FBXL17: variants seen among roughly 807,000 people sequenced by gnomAD.
The protein encoded by FBXL17 is F-box/LRR-repeat protein 17.
Under a neutral mutation model 66.2 loss-of-function variants are expected in FBXL17, and 22 were observed. The ratio of observed to expected loss-of-function variants is 0.33; its 90% confidence interval spans 0.24 to 0.47. The LOEUF (loss-of-function observed/expected upper bound fraction) is 0.47, where lower values mean the gene tolerates loss of function less well. Ranked by LOEUF, FBXL17 falls within the 20% of genes least tolerant of loss-of-function variation. The probability of loss-of-function intolerance (pLI) is 1.00; values close to 1 mark genes in which losing one functional copy is unlikely to be tolerated. For synonymous variants in FBXL17, 474 were observed against 400.5 expected (o/e 1.18, Z -2.19); for missense variants, 878 against 948.2 (o/e 0.93, Z 0.97).
chr5:108,180,339 C>T lies in FBXL17; in HGVS notation c.1745+5778G>A, dbSNP rs140908196. On this transcript the variant is annotated intron_variant, in intron 6 of 8. Transcript: ENST00000542267. ...CAGCCTGGCCAACATGGTGAAACCC[C>T]GTCTCTACTAAAAACACAAAAATTA... 4.6e-3 allele frequency among the ~76,000 whole-genome samples: 703 copies of T among 151,952 alleles called. 5 individuals carry two copies. The highest frequency in any genetic ancestry group is 0.016 in the African/African-American group (668 of 41,450).
intron 7 of FBXL17, among the ~76,000 whole-genome samples, chr5:107,963,729 A>G (rs1288589036): frequency 1.3e-5 from 2 of 152,302 alleles, no homozygotes; most frequent in Non-Finnish European, 2.9e-5. Flanking sequence ...ATAAAATACA[A>G]TAACTGAGCA....
At chr5:108,354,476 T>A (rs1204644775) in intron 3 of FBXL17, among the ~76,000 whole-genome samples, 1 of 151,556 alleles carries the variant, frequency 6.6e-6, no homozygotes, top group Non-Finnish European at 1.5e-5. Context: ...ATGAACAGAA[T>A]ATCTAAGAAC....
At position 108,052,112 on chromosome 5, in the gene FBXL17, C is replaced by CAA. The variant is rs144705189; in HGVS notation, c.1746-31113_1746-31112dup. On this transcript the variant is annotated intron_variant, in intron 6 of 8. Coordinates refer to ENST00000542267, the MANE Select transcript of FBXL17 (RefSeq NM_001163315.3). Reference sequence around the variant, plus strand: ...TAAGCAACAGAGTGAGACTTCGTCTCAAAAAAAAAAAAAAAAAAAAAAGAA... The same window carrying CAA: ...TAAGCAACAGAGTGAGACTTCGTCTCAAAAAAAAAAAAAAAAAAAAAAAAGAA... Among the ~76,000 whole-genome samples the CAA allele has an allele frequency of 3.2e-3, 323 of 101,910 alleles. 1 individual carries two copies. The highest frequency in any genetic ancestry group is 4.3e-3 in the Non-Finnish European group (224 of 52,324). 66.9% of individuals were successfully genotyped at this position (101,910 alleles called of 152,430 possible).
At chr5:108,140,607 C>T (rs1466423671) in intron 6 of FBXL17, among the ~76,000 whole-genome samples, 3 of 152,140 alleles carry the variant, frequency 2.0e-5, no homozygotes, top group Admixed American at 6.5e-5. Context: ...CATGTGGGCC[C>T]TCATGCCATA....
intron 4 of FBXL17, among the ~76,000 whole-genome samples, chr5:108,300,114 A>G (rs1328076469): frequency 2.0e-5 from 3 of 152,082 alleles, no homozygotes; most frequent in African/African-American, 7.2e-5. Flanking sequence ...ATCACTGCTT[A>G]TACAAATGAA....
intron 5 of FBXL17, among the ~76,000 whole-genome samples, chr5:108,221,750 T>C (rs567489574): frequency 3.9e-5 from 6 of 152,292 alleles, no homozygotes; most frequent in Admixed American, 2.0e-4. Context: ...TATGAAAACA[T>C]TGCCAGAATG....
At chr5:108,090,044 G>C (rs1173795074) in intron 6 of FBXL17, among the ~76,000 whole-genome samples, 2 of 152,052 alleles carry the variant, frequency 1.3e-5, no homozygotes, top group Non-Finnish European at 2.9e-5. Context: ...ATCAAGGCTG[G>C]TCTTGAACTC....
At chr5:108,297,671 T>C (rs1758404440) in intron 4 of FBXL17, 3 of 245,714 alleles carry the variant, frequency 1.2e-5, no homozygotes, top group African/African-American at 7.0e-5. Context: ...TTTTTAAATG[T>C]TTCTGAAACA....
At chr5:107,995,042 G>C (rs913383469) in intron 7 of FBXL17, among the ~76,000 whole-genome samples, 1 of 152,134 alleles carries the variant, frequency 6.6e-6, no homozygotes, top group Admixed American at 6.5e-5. Flanking sequence ...TTCTTGATCT[G>C]AATTCTGGTT....
chr5:108,066,836 C>T (rs1490090695), intron 6 of FBXL17, among the ~76,000 whole-genome samples: 1 of 151,776 alleles, frequency 6.6e-6, no homozygotes, highest in Non-Finnish European at 1.5e-5. Flanking sequence ...ATAGATGTGC[C>T]TTTACAGTAT....
At chr5:108,168,091 A>G (rs1281295538) in intron 6 of FBXL17, among the ~76,000 whole-genome samples, 1 of 152,246 alleles carries the variant, frequency 6.6e-6, no homozygotes, top group African/African-American at 2.4e-5. Flanking sequence ...GTCAAAATGA[A>G]TGACATAATT....
At position 107,988,048 on chromosome 5, in the gene FBXL17, A is replaced by T. The variant is rs1580291222; in HGVS notation, c.1822+32877T>A. Among the ~76,000 whole-genome samples the T allele has an allele frequency of 2.0e-5, 3 of 152,162 alleles. 1 individual carries two copies. The highest frequency in any genetic ancestry group is 3.4e-3 in the Middle Eastern group (1 of 294). On this transcript the variant is annotated intron_variant, in intron 7 of 8. Coordinates refer to ENST00000542267, the MANE Select transcript of FBXL17 (RefSeq NM_001163315.3). Reference sequence around the variant, plus strand: ...GAACACACAAAATCTACCAATGATAATTTTAAATCACCAATTAAAAACAAG... The same window carrying T: ...GAACACACAAAATCTACCAATGATATTTTTAAATCACCAATTAAAAACAAG...
At chr5:107,969,608 C>A (rs1752292171) in intron 7 of FBXL17, among the ~76,000 whole-genome samples, 1 of 152,100 alleles carries the variant, frequency 6.6e-6, no homozygotes, top group Admixed American at 6.6e-5. Flanking sequence ...AGTTTGTGTT[C>A]TTCTAATTTC....
rs1748065068 is a variant in FBXL17 at position 107,859,534 on chromosome 5, T to A, written c.*2186A>T. The A allele has an allele frequency of 6.6e-6, 1 of 150,882 alleles. No homozygotes were observed. The highest frequency in any genetic ancestry group is 2.4e-5 in the African/African-American group (1 of 41,008). 9.3% of individuals were successfully genotyped at this position (150,882 alleles called of 1,614,324 possible). A position where few individuals can be genotyped will look rare whatever the true frequency, so the allele number is the denominator to read the frequency against. ...CTGGATTAGTCAACATTTTAGAGAA[T>A]AAGTGCAAGTCCCCACCCCACCCCC... On this transcript the variant is annotated 3_prime_UTR_variant, in exon 9 of 9. Coordinates refer to ENST00000542267, the MANE Select transcript of FBXL17 (RefSeq NM_001163315.3).
intron 5 of FBXL17, among the ~76,000 whole-genome samples, chr5:108,188,639 T>A (rs1005455102): frequency 2.6e-5 from 4 of 152,192 alleles, no homozygotes; most frequent in Admixed American, 6.5e-5. Context: ...AAAACAGACC[T>A]TTCTGGCTGT....
intron 7 of FBXL17, among the ~76,000 whole-genome samples, chr5:108,018,304 G>T (rs992064401): frequency 2.6e-5 from 4 of 152,072 alleles, no homozygotes; most frequent in Non-Finnish European, 4.4e-5. Context: ...GAAGGAAAAG[G>T]GCATCTGCTT....
At chr5:108,260,438 T>G (rs1756765863) in intron 4 of FBXL17, among the ~76,000 whole-genome samples, 1 of 151,996 alleles carries the variant, frequency 6.6e-6, no homozygotes, top group Non-Finnish European at 1.5e-5. Context: ...AATCAACTAA[T>G]AAAAACATCT....
At chr5:107,927,091 T>C (rs1750547538) in intron 7 of FBXL17, among the ~76,000 whole-genome samples, 1 of 151,882 alleles carries the variant, frequency 6.6e-6, no homozygotes, top group Non-Finnish European at 1.5e-5. Flanking sequence ...TTAAAATGAA[T>C]CCCCTAAAGT....
chr5:108,137,091 G>A (rs185752164), intron 6 of FBXL17, among the ~76,000 whole-genome samples: 83 of 152,180 alleles, frequency 5.5e-4, no homozygotes, highest in African/African-American at 1.9e-3. Flanking sequence ...TATCAAAGTT[G>A]CCATAACTTA....
Sources: gnomAD v4.1 joint callset for allele counts (sites outside exome capture counted in the v4.1 genomes callset) on GRCh38, gnomAD v4.1.1 for gene constraint, MANE v1.5 for transcripts, NCBI Gene and HGNC (gene_info 2026-07-23, HGNC 2026-07-21) for gene names.